Variants in IL17B observed in about 807,000 individuals in gnomAD.
IL17B encodes interleukin 17B.
A neutral mutation model predicts 14.7 loss-of-function variants in IL17B; 14 were observed. The ratio of observed to expected loss-of-function variants is 0.95; its 90% CI spans 0.63 to 1.49. The LOEUF is 1.49. Ranked by LOEUF, IL17B falls within the 40% of genes most tolerant of loss-of-function variation. IL17B has a pLI of 0.00. For synonymous variants in IL17B, 105 were observed against 94.8 expected (o/e 1.11, Z -0.62); for missense variants, 233 against 252.8 (o/e 0.92, Z 0.53).
rs187479464 is a variant in IL17B at position 149,388,062 on chromosome 5, G to A, written n.96-11037C>T. On this transcript the variant is annotated intron_variant and non_coding_transcript_variant, in intron 1 of 2. Transcript: ENST00000505432. Reference sequence around the variant, plus strand: ...CATTAGGCAGCAGACACAGAGCACCGAAGGATATCCAAGTTATTTCTGCCA... The same window carrying A: ...CATTAGGCAGCAGACACAGAGCACCAAAGGATATCCAAGTTATTTCTGCCA... 5.3e-5 allele frequency among the ~76,000 whole-genome samples: 8 copies of A among 152,292 alleles called. No individual in the cohort carries two copies. The East Asian group carries it at 7.7e-4, about 15-fold the overall frequency.
At chr5:149,386,374 C>T (rs1458601988) in intron 1 of IL17B, among the ~76,000 whole-genome samples, 1 of 152,196 alleles carries the variant, frequency 6.6e-6, no homozygotes, top group Non-Finnish European at 1.5e-5. Context: ...CAGGCAGCAA[C>T]TCTGACACAC....
At chr5:149,384,282 C>T (rs1447724382), upstream of IL17B, among the ~76,000 whole-genome samples, 1 of 152,150 alleles carries the variant, frequency 6.6e-6, no homozygotes, top group East Asian at 1.9e-4. Context: ...ATGTCCACCC[C>T]CCTCACTTCA....
intron 1 of IL17B, among the ~76,000 whole-genome samples, chr5:149,402,813 C>T (rs1384781642): frequency 1.3e-5 from 2 of 151,558 alleles, no homozygotes; most frequent in South Asian, 2.1e-4. Flanking sequence ...ACCATCCTGG[C>T]TAACACGGTG....
intron 1 of IL17B, among the ~76,000 whole-genome samples, chr5:149,390,630 C>CACACACACACACACAGAGAG (rs1491235916): frequency 7.6e-6 from 1 of 132,002 alleles, no homozygotes; most frequent in African/African-American, 2.9e-5. Context: ...CACACACACA[C>CACACACACACACACAGAGAG]AGAGATACAC....
intron 1 of IL17B, among the ~76,000 whole-genome samples, chr5:149,377,960 T>A (rs1044446013): frequency 6.6e-6 from 1 of 151,808 alleles, no homozygotes; most frequent in Non-Finnish European, 1.5e-5. Flanking sequence ...TGGCTAACAC[T>A]GTGAAACCCC....
At chr5:149,376,147 C>T (rs963066871) in intron 2 of IL17B, among the ~76,000 whole-genome samples, 12 of 152,216 alleles carry the variant, frequency 7.9e-5, no homozygotes, top group South Asian at 2.1e-4. Flanking sequence ...AGCAAGGAAG[C>T]GGAGCTACAA....
chr5:149,392,944 G>C (rs2127621475), intron 1 of IL17B, among the ~76,000 whole-genome samples: 1 of 151,200 alleles, frequency 6.6e-6, no homozygotes, highest in African/African-American at 2.4e-5. Flanking sequence ...ACGTGCGTGT[G>C]TGCGTGCGTG....
At chr5:149,393,038 T>G (rs374983220) in intron 1 of IL17B, among the ~76,000 whole-genome samples, 3 of 151,804 alleles carry the variant, frequency 2.0e-5, no homozygotes, top group African/African-American at 7.3e-5. Context: ...GGCGTGTGTG[T>G]GCGTGTGTGT....
At chr5:149,403,821 C>G (rs1229564323) in intron 1 of IL17B, among the ~76,000 whole-genome samples, 1 of 152,176 alleles carries the variant, frequency 6.6e-6, no homozygotes, top group Non-Finnish European at 1.5e-5. Flanking sequence ...CCACTTCATC[C>G]TTGGTTAGTT....
chr5:149,397,668 G>A (rs1414993314), intron 1 of IL17B, among the ~76,000 whole-genome samples: 1 of 152,202 alleles, frequency 6.6e-6, no homozygotes, highest in African/African-American at 2.4e-5. Flanking sequence ...GGATGCGCAT[G>A]TAGATATATG....
In IL17B at chr5:149,397,413, C is replaced by T. The variant is rs184933222; in HGVS notation, n.95+6695G>A. On this transcript the variant is annotated intron_variant and non_coding_transcript_variant, in intron 1 of 2. Transcript: ENST00000505432. Reference sequence around the variant, plus strand: ...CAAACTCCTGACCTCAGGTGATCCACCCGCCTTGGCCTCCCAAAATGGTAG... The same window carrying T: ...CAAACTCCTGACCTCAGGTGATCCATCCGCCTTGGCCTCCCAAAATGGTAG... Among the ~76,000 whole-genome samples the T allele has an allele frequency of 2.0e-5, 3 of 152,322 alleles. No homozygotes were observed. The East Asian group carries it at 5.8e-4, about 29-fold the overall frequency.
upstream of IL17B, among the ~76,000 whole-genome samples, chr5:149,382,929 A>G (rs1222953135): frequency 6.6e-6 from 1 of 152,222 alleles, no homozygotes; most frequent in Non-Finnish European, 1.5e-5. Flanking sequence ...TAATACAGGG[A>G]GGCCATGCTG....
chr5:149,387,804 A>G (rs1203150877), intron 1 of IL17B, among the ~76,000 whole-genome samples: 1 of 152,012 alleles, frequency 6.6e-6, no homozygotes, highest in East Asian at 1.9e-4. Context: ...AAAGGAAAGA[A>G]AAAGAACACT....
chr5:149,375,165 G>T (rs1192307078), intron 2 of IL17B: 1 of 152,578 alleles, frequency 6.6e-6, no homozygotes, highest in African/African-American at 2.4e-5. Flanking sequence ...GTTCTATTCT[G>T]ACTTAATCTC....
intron 1 of IL17B, among the ~76,000 whole-genome samples, chr5:149,393,093 C>G (rs1759020073): frequency 6.6e-6 from 1 of 152,110 alleles, no homozygotes; most frequent in African/African-American, 2.4e-5. Flanking sequence ...CCCTTTCCTT[C>G]CTCAGCAGCA....
intron 1 of IL17B, 49 bp downstream of exon 1, chr5:149,379,156 T>C: frequency 1.9e-6 from 3 of 1,611,924 alleles, no homozygotes; most frequent in Non-Finnish European, 2.5e-6. Context: ...AACTGACATA[T>C]TTGGGCTCTT....
At chr5:149,391,226 A>G (rs1370569712) in intron 1 of IL17B, among the ~76,000 whole-genome samples, 2 of 152,136 alleles carry the variant, frequency 1.3e-5, no homozygotes, top group Non-Finnish European at 2.9e-5. Flanking sequence ...TTGGCCTCCC[A>G]AACTGCTGGG....
chr5:149,382,349 CTGAG>C (rs1350215979), upstream of IL17B, among the ~76,000 whole-genome samples: 2 of 152,158 alleles, frequency 1.3e-5, no homozygotes, highest in Non-Finnish European at 2.9e-5. Flanking sequence ...CTTCTGTCTG[CTGAG>C]TGAGTGATTG....
chr5:149,377,169 C>G (rs754397028), intron 1 of IL17B, 144 bp from the exon 2 acceptor site: 36 of 638,854 alleles, frequency 5.6e-5, no homozygotes, highest in Non-Finnish European at 8.4e-5. Flanking sequence ...AGCTCTCCCT[C>G]CTCAGATTAC....
Sources: gnomAD v4.1 joint callset for allele counts (sites outside exome capture counted in the v4.1 genomes callset) on GRCh38, gnomAD v4.1.1 for gene constraint, MANE v1.5 for transcripts, NCBI Gene and HGNC (gene_info 2026-07-23, HGNC 2026-07-21) for gene names.